NRDE2: variants seen among roughly 807,000 people sequenced by gnomAD.
The protein encoded by NRDE2 is nuclear exosome regulator NRDE2.
A neutral mutation model predicts 124.2 loss-of-function variants in NRDE2; 76 were observed. That is an observed-to-expected ratio of 0.61 (90% CI 0.51 to 0.74). The LOEUF is 0.74. NRDE2 is among the 30% of genes least tolerant of loss of function. The probability of loss-of-function intolerance (pLI) is 0.00; values close to 1 mark genes in which losing one functional copy is unlikely to be tolerated. For missense variants in NRDE2, 1,314 were observed against 1,417.3 expected (o/e 0.93, Z 1.17); for synonymous variants, 489 against 528.1 (o/e 0.93, Z 1.01).
intron 3 of NRDE2, among the ~76,000 whole-genome samples, chr14:90,315,176 C>CAAAAA (rs71117336): frequency 6.3e-5 from 2 of 31,770 alleles, no homozygotes; most frequent in African/African-American, 1.5e-4. Context: ...TACTCTGTCT[C>CAAAAA]AAAAAAAAAA....
chr14:90,301,399 A>C (rs200860899), intron 6 of NRDE2, 27 bp from the exon 7 acceptor site: 1 of 1,612,438 alleles, frequency 6.2e-7, no homozygotes, highest in East Asian at 2.2e-5. Flanking sequence ...AAAGGGGAAG[A>C]AGCCTGGTTG....
intron 1 of NRDE2, 39 bp downstream of exon 1, chr14:90,331,802 G>A: frequency 6.2e-7 from 1 of 1,606,794 alleles, no homozygotes; most frequent in South Asian, 1.1e-5. Flanking sequence ...AGCCTCTTAA[G>A]CCCCCCAGGT....
In NRDE2 at chr14:90,288,803, G is replaced by T. The variant is rs745848812; in HGVS notation, c.2572C>A (p.Pro858Thr). 1 of 1,614,086 alleles carries T rather than the reference G, an allele frequency of 6.2e-7. No individual in the cohort carries two copies. Among genetic ancestry groups the T allele is most frequent in the Non-Finnish European group, 8.5e-7 (1 of 1,180,022 alleles). The change falls in exon 11 of 14, where the codon CCC (proline) becomes ACC (threonine). Residue 858 changes from proline to threonine, a missense_variant. By Grantham distance (38) the Pro-to-Thr change is conservative (BLOSUM62 -1). Coordinates refer to ENST00000354366, the MANE Select transcript of NRDE2 (RefSeq NM_017970.4). ...ACCTGTCCAGTGTAGGGCCCATAGG[G>T]GCTGCTCTCAGTCAGCTTGGTTAAT... The part of the protein sequence containing the change: ...HILTKLTESS[P>T]YGPYTGQVLA...
At chr14:90,296,003 C>T (rs1157077055) in intron 8 of NRDE2, among the ~76,000 whole-genome samples, 1 of 152,160 alleles carries the variant, frequency 6.6e-6, no homozygotes, top group African/African-American at 2.4e-5. Flanking sequence ...TAACTTTACA[C>T]CTGATTTTAA....
chr14:90,282,580 T>G (rs994238337), intron 12 of NRDE2, among the ~76,000 whole-genome samples: 1 of 152,210 alleles, frequency 6.6e-6, no homozygotes, highest in African/African-American at 2.4e-5. Flanking sequence ...CCTGCTAAAT[T>G]CCAACATTAG....
rs1204122996 is a variant in NRDE2, at chr14:90,304,230, A to T, written c.710T>A (p.Val237Asp). 1.2e-6 allele frequency: 2 copies of T among 1,613,872 alleles called. No individual in the cohort carries two copies. Among genetic ancestry groups the T allele is most frequent in the Non-Finnish European group, 1.7e-6 (2 of 1,179,982 alleles). ...KSVGLMNIDG[V>D]AISSKTEPPS... is the part of the protein sequence containing the mutation. ...AGGTTCAGTTTTACTGCTAATGGCA[A>T]CTCCATCGATGTTCATTAATCCCAC... The change falls in exon 5 of 14, where the codon GTT becomes GAT. Residue 237 changes from valine (V) to aspartate (D), a missense_variant. By Grantham distance (152) the Val-to-Asp change is radical. Coordinates refer to ENST00000354366, the MANE Select transcript of NRDE2 (RefSeq NM_017970.4).
rs1891814700 is a variant in NRDE2, at chr14:90,276,784, TGAGAA to T, written c.*1547_*1551del. The T allele has an allele frequency of 6.6e-6, 1 of 152,278 alleles. No individual in the cohort carries two copies. The highest frequency in any genetic ancestry group is 2.4e-5 in the African/African-American group (1 of 41,534). 9.4% of individuals were successfully genotyped at this position (152,278 alleles called of 1,614,324 possible). On this transcript the variant is annotated 3_prime_UTR_variant, in exon 14 of 14. Coordinates refer to ENST00000354366, the MANE Select transcript of NRDE2 (RefSeq NM_017970.4). The stretch of plus-strand genomic sequence containing the variant: ...ACGCCCTTCTAAGTTCTGAACCAGA[TGAGAA>T]GAGACATGAGTCAGATGGGGACTGA...
chr14:90,304,459 T>A, intron 4 of NRDE2, 77 bp from the exon 5 acceptor site: 1 of 1,080,676 alleles, frequency 9.3e-7, no homozygotes. Context: ...GCATTAGACC[T>A]AAACTCTCGT....
intron 11 of NRDE2, 65 bp from the exon 12 acceptor site, chr14:90,286,557 G>A: frequency 1.3e-6 from 2 of 1,565,346 alleles, no homozygotes; most frequent in African/African-American, 1.4e-5. Context: ...AGAAGGAAGA[G>A]ATGCCTGAGT....
chr14:90,295,224 AT>A (rs1884098816), intron 8 of NRDE2, among the ~76,000 whole-genome samples: 1 of 152,168 alleles, frequency 6.6e-6, no homozygotes. Context: ...CTCTGGGTAC[AT>A]TTTTTCTACT....
At chr14:90,325,059 T>C (rs1885371657) in intron 1 of NRDE2, among the ~76,000 whole-genome samples, 2 of 152,086 alleles carry the variant, frequency 1.3e-5, no homozygotes, top group South Asian at 4.1e-4. Context: ...CTAAGGACTT[T>C]CAGAGTTGTT....
chr14:90,285,299 G>GTT (rs1491443054), intron 12 of NRDE2, among the ~76,000 whole-genome samples: 1 of 124,270 alleles, frequency 8.0e-6, no homozygotes, highest in Non-Finnish European at 1.7e-5. Context: ...AGGAAATGTT[G>GTT]ATTTTTTTTT....
chr14:90,314,633 G>A lies in NRDE2; in HGVS notation c.407+1945C>T, dbSNP rs1470571305. On this transcript the variant is annotated intron_variant, in intron 3 of 13. Coordinates refer to ENST00000354366, the MANE Select transcript of NRDE2 (RefSeq NM_017970.4). ...AAAAGGACAAGTAGCTAGAAGTTGA[G>A]TTTTGGGAAGACGTAACAATTAAAG... Among the ~76,000 whole-genome samples, 5 of 152,194 alleles carry A rather than the reference G, an allele frequency of 3.3e-5. No individual in the cohort carries two copies. The East Asian group carries it at 9.6e-4, about 29-fold the overall frequency.
At chr14:90,296,920 C>T (rs1013262948) in intron 8 of NRDE2, among the ~76,000 whole-genome samples, 43 of 152,046 alleles carry the variant, frequency 2.8e-4, no homozygotes, top group African/African-American at 1.0e-3. Context: ...GGGCGGATTA[C>T]TTGAGGTCAG....
In NRDE2 at chr14:90,331,822, G is replaced by A. The variant is rs758833715; in HGVS notation, c.64+19C>T. Reference sequence around the variant, plus strand: ...CTTAAGCCCCCCAGGTGCCTTCTTCGGCTCGTTTGTGTGCTTACCTTTCCT... The same window carrying A: ...CTTAAGCCCCCCAGGTGCCTTCTTCAGCTCGTTTGTGTGCTTACCTTTCCT... On this transcript the variant is annotated intron_variant, in intron 1 of 13. Coordinates refer to ENST00000354366, the MANE Select transcript of NRDE2 (RefSeq NM_017970.4). The A allele has an allele frequency of 6.2e-7, 1 of 1,613,914 alleles. No individual in the cohort carries two copies. The highest frequency in any genetic ancestry group is 1.1e-5 in the South Asian group (1 of 91,076).
chr14:90,275,318 G>A lies in NRDE2; in HGVS notation c.*3018C>T, dbSNP rs1038772742. On this transcript the variant is annotated 3_prime_UTR_variant, in exon 14 of 14. Coordinates refer to ENST00000354366, the MANE Select transcript of NRDE2 (RefSeq NM_017970.4). ...ACTTCCTGTTCAGTGTCTGTATCGTGGGCGGGTAGCAGACTCTCAGCAACT... is the reference window on the plus strand; with the variant it reads ...ACTTCCTGTTCAGTGTCTGTATCGTAGGCGGGTAGCAGACTCTCAGCAACT... 6.6e-6 allele frequency: 1 copy of A among 152,116 alleles called. No homozygotes were observed. The highest frequency in any genetic ancestry group is 1.5e-5 in the Non-Finnish European group (1 of 68,034). The allele number at this position is 152,116 out of a possible 1,614,324, so 9.4% of individuals were successfully genotyped here. A position where few individuals can be genotyped will look rare whatever the true frequency, so the allele number is the denominator to read the frequency against.
In NRDE2 at chr14:90,272,640, A is replaced by G. The variant is rs1329558515; in HGVS notation, c.*5696T>C. On this transcript the variant is annotated 3_prime_UTR_variant, in exon 14 of 14. Coordinates refer to ENST00000354366, the MANE Select transcript of NRDE2 (RefSeq NM_017970.4). The surrounding 1 kb of genome is among the most constrained non-coding windows in gnomAD (Gnocchi z 4.5). ...TTTCACAAACACTTCCTGTTTCTGC[A>G]GTCTCCACACACACCTACCGCTCAA... The G allele has an allele frequency of 9.8e-6, 4 of 409,676 alleles. No individual in the cohort carries two copies. Among genetic ancestry groups the G allele is most frequent in the Non-Finnish European group, 1.4e-5 (3 of 218,242 alleles). The allele number at this position is 409,676 out of a possible 1,614,324, so 25.4% of individuals were successfully genotyped here. A position where few individuals can be genotyped will look rare whatever the true frequency, so the allele number is the denominator to read the frequency against.
At chr14:90,287,203 ATAT>A (rs1333275381) in intron 11 of NRDE2, among the ~76,000 whole-genome samples, 1 of 152,160 alleles carries the variant, frequency 6.6e-6, no homozygotes, top group Non-Finnish European at 1.5e-5. Context: ...AACAAGTGAA[ATAT>A]TATTCAAAGA....
Position 90,272,214 on chromosome 14 carries a change from T to C in NRDE2, c.*6122A>G, listed in dbSNP as rs117846081. ...TGGCCTCAGAATAGGTTTTTTGGAA[T>C]TCCTTGTTAGAATAAAAATGAGTAT... is the stretch of plus-strand genomic sequence containing the variant. On this transcript the variant is annotated 3_prime_UTR_variant, in exon 14 of 14. Transcript: ENST00000354366. The surrounding 1 kb of genome is among the most constrained non-coding windows in gnomAD (Gnocchi z 4.5). 5.5e-4 allele frequency: 871 copies of C among 1,585,536 alleles called. 20 individuals carry two copies. In the East Asian group the frequency reaches 0.019, roughly 35 times the overall value.
Sources: allele counts gnomAD v4.1 joint callset (sites outside exome capture counted in the v4.1 genomes callset), GRCh38; gene constraint gnomAD v4.1.1; non-coding constraint Gnocchi (gnomAD v3.1); transcripts MANE v1.5; gene names NCBI Gene and HGNC (gene_info 2026-07-23, HGNC 2026-07-21).